Variants in MNAT1 observed in about 807,000 individuals in gnomAD.
MNAT1 encodes MNAT1 component of CDK activating kinase.
In MNAT1, 43 loss-of-function variants were observed where a neutral mutation model predicts 42.0. The ratio of observed to expected loss-of-function variants is 1.02; its 90% CI spans 0.80 to 1.32. The LOEUF is 1.32. Among genes scored for constraint, MNAT1 ranks in the 40% most tolerant of loss-of-function variants. MNAT1 has a pLI of 0.00. For missense variants in MNAT1, 306 were observed against 350.4 expected, an observed-to-expected ratio of 0.87 and a Z score of 1.01; for synonymous variants, 118 against 120.0, an observed-to-expected ratio of 0.98 and a Z score of 0.11.
chr14:60,758,506 T>C (rs957896438), intron 1 of MNAT1, among the ~76,000 whole-genome samples: 6 of 151,992 alleles, frequency 3.9e-5, no homozygotes, highest in African/African-American at 1.4e-4. Flanking sequence ...CCTGGTCCAC[T>C]TGGACTATTT....
At chr14:60,866,537 A>G (rs2034206750) in intron 6 of MNAT1, among the ~76,000 whole-genome samples, 2 of 152,006 alleles carry the variant, frequency 1.3e-5, no homozygotes, top group Admixed American at 1.3e-4. Context: ...ATTTGTACGA[A>G]TGAAATTATA....
At chr14:60,762,883 A>C (rs1233706228) in intron 1 of MNAT1, among the ~76,000 whole-genome samples, 1 of 152,154 alleles carries the variant, frequency 6.6e-6, no homozygotes, top group Non-Finnish European at 1.5e-5. Flanking sequence ...ATTTATATAA[A>C]CAAAATAAAG....
chr14:60,814,352 G>A (rs894840021), intron 5 of MNAT1, among the ~76,000 whole-genome samples: 1 of 152,072 alleles, frequency 6.6e-6, no homozygotes, highest in Non-Finnish European at 1.5e-5. Flanking sequence ...TATATTATTT[G>A]ATACTTATAA....
At position 60,779,982 on chromosome 14, in the gene MNAT1, C is replaced by T. The variant is rs1189005010; in HGVS notation, c.90-16235C>T. 4 of 1,559,952 alleles carry T rather than the reference C, an allele frequency of 2.6e-6. No homozygotes were observed. In the African/African-American group the frequency reaches 4.1e-5, roughly 16 times the overall value. ...CCTGGCCATGTGTCCCTGGCCATGGCGCTGCAGCTCTCCCGGGAGCAGGGA... is the reference window on the plus strand; with the variant it reads ...CCTGGCCATGTGTCCCTGGCCATGGTGCTGCAGCTCTCCCGGGAGCAGGGA... On this transcript the variant is annotated intron_variant, in intron 1 of 7. Coordinates refer to ENST00000261245, the MANE Select transcript of MNAT1 (RefSeq NM_002431.4).
At chr14:60,739,037 C>T (rs1896388927) in intron 1 of MNAT1, among the ~76,000 whole-genome samples, 1 of 152,046 alleles carries the variant, frequency 6.6e-6, no homozygotes, top group Admixed American at 6.6e-5. Flanking sequence ...TTTGACTGGG[C>T]CTGGAGTATC....
intron 7 of MNAT1, among the ~76,000 whole-genome samples, chr14:60,897,780 A>T (rs1196870138): frequency 6.6e-6 from 1 of 152,160 alleles, no homozygotes; most frequent in Non-Finnish European, 1.5e-5. Context: ...ACTTAGAAAT[A>T]TATAACATAT....
chr14:60,788,056 G>T lies in MNAT1; in HGVS notation c.90-8161G>T, dbSNP rs77637309. Among the ~76,000 whole-genome samples, 687 of 152,266 alleles carry T rather than the reference G, an allele frequency of 4.5e-3. 18 individuals are homozygous for T. The East Asian group carries it at 0.088, about 20-fold the overall frequency. Reference sequence around the variant, plus strand: ...GAATTTGCTTTGCCCAGATCTATCAGAGGAATCATTGTCTGTAGCAGCTAC... The same window carrying T: ...GAATTTGCTTTGCCCAGATCTATCATAGGAATCATTGTCTGTAGCAGCTAC... On this transcript the variant is annotated intron_variant, in intron 1 of 7. Transcript: ENST00000261245.
intron 6 of MNAT1, among the ~76,000 whole-genome samples, chr14:60,850,218 A>G (rs1321361580): frequency 6.6e-6 from 1 of 152,164 alleles, no homozygotes; most frequent in East Asian, 1.9e-4. Context: ...ATTGATTTTC[A>G]TTTTAGAAAT....
intron 7 of MNAT1, among the ~76,000 whole-genome samples, chr14:60,894,513 A>G (rs139863808): frequency 6.6e-6 from 1 of 151,984 alleles, no homozygotes; most frequent in Admixed American, 6.6e-5. Flanking sequence ...CTTGGGCAAC[A>G]CTTTGTTTGG....
At chr14:60,895,516 A>G (rs2034935989) in intron 7 of MNAT1, among the ~76,000 whole-genome samples, 1 of 152,240 alleles carries the variant, frequency 6.6e-6, no homozygotes, top group Non-Finnish European at 1.5e-5. Flanking sequence ...CCCCCAACCC[A>G]AAACTTCTAG....
intron 7 of MNAT1, among the ~76,000 whole-genome samples, chr14:60,963,138 C>A (rs1399046681): frequency 6.6e-6 from 1 of 152,032 alleles, no homozygotes; most frequent in Non-Finnish European, 1.5e-5. Flanking sequence ...CGTGCCACCA[C>A]GCCCGGCTAA....
chr14:60,902,805 A>G (rs946786110), intron 7 of MNAT1, among the ~76,000 whole-genome samples: 1 of 152,116 alleles, frequency 6.6e-6, no homozygotes, highest in Non-Finnish European at 1.5e-5. Flanking sequence ...AGTTTTCATC[A>G]TGCTTTCTAA....
chr14:60,896,678 G>C (rs1305223151), intron 7 of MNAT1, among the ~76,000 whole-genome samples: 1 of 151,988 alleles, frequency 6.6e-6, no homozygotes, highest in Admixed American at 6.5e-5. Context: ...GTAGAGACGG[G>C]GTTTCACCAT....
chr14:60,746,921 TATAC>T (rs1194152910), intron 1 of MNAT1, among the ~76,000 whole-genome samples: 28 of 41,594 alleles, frequency 6.7e-4, no homozygotes, highest in African/African-American at 3.2e-3. Context: ...TATATATATA[TATAC>T]ACACACACAC....
chr14:60,905,666 A>G (rs565702022), intron 7 of MNAT1, among the ~76,000 whole-genome samples: 1 of 152,336 alleles, frequency 6.6e-6, no homozygotes, highest in East Asian at 1.9e-4. Flanking sequence ...GGTGAAAGTC[A>G]TGGAGTATGA....
At chr14:60,894,566 G>C (rs1035341650) in intron 7 of MNAT1, among the ~76,000 whole-genome samples, 1 of 151,978 alleles carries the variant, frequency 6.6e-6, no homozygotes, top group African/African-American at 2.4e-5. Flanking sequence ...CTATGGGTTG[G>C]AGTTTTAAAT....
intron 6 of MNAT1, among the ~76,000 whole-genome samples, chr14:60,844,790 G>A (rs756913648): frequency 1.3e-5 from 2 of 151,926 alleles, no homozygotes; most frequent in Non-Finnish European, 2.9e-5. Context: ...ATCAGATTGA[G>A]GAAAGTTCCT....
intron 1 of MNAT1, among the ~76,000 whole-genome samples, chr14:60,755,212 C>T (rs1020220225): frequency 1.3e-5 from 2 of 151,950 alleles, no homozygotes; most frequent in African/African-American, 2.4e-5. Context: ...GAAGTGATCT[C>T]AGCTCACTGC....
At chr14:60,749,718 T>A (rs1390236757) in intron 1 of MNAT1, among the ~76,000 whole-genome samples, 1 of 152,224 alleles carries the variant, frequency 6.6e-6, no homozygotes, top group African/African-American at 2.4e-5. Context: ...ATATAGTTTT[T>A]CAGCTTAAGT....
Sources: allele counts gnomAD v4.1 joint callset (sites outside exome capture counted in the v4.1 genomes callset), GRCh38; gene constraint gnomAD v4.1.1; transcripts MANE v1.5; gene names NCBI Gene and HGNC (gene_info 2026-07-23, HGNC 2026-07-21).